The following SLC36A1 variants were observed in gnomAD, a reference collection of about 807,000 sequenced individuals.
The protein encoded by SLC36A1 is proton-coupled amino acid transporter 1.
A neutral mutation model predicts 47.5 loss-of-function variants in SLC36A1; 30 were observed. The observed-to-expected ratio is 0.63, with a 90% CI of 0.47 to 0.86. The LOEUF (loss-of-function observed/expected upper bound fraction) is 0.86. SLC36A1 is among the 40% of genes least tolerant of loss of function. The pLI is 0.00. For synonymous variants in SLC36A1, 255 were observed against 249.7 expected, an observed-to-expected ratio of 1.02 and a Z score of -0.20; for missense variants, 517 against 606.0, an observed-to-expected ratio of 0.85 and a Z score of 1.54.
At chr5:151,531,887 G>A in the SLC36A1 span, 6 of 1,614,180 alleles carry the variant, frequency 3.7e-6, no homozygotes, top group Admixed American at 8.3e-5. The surrounding 1 kb of genome is among the most constrained non-coding windows in gnomAD (Gnocchi z 5.7). Context: ...GGCTTTTCCA[G>A]GCGGATCACC....
At chr5:151,552,228 C>G in the SLC36A1 span, among the ~76,000 whole-genome samples, 3 of 152,110 alleles carry the variant, frequency 2.0e-5, no homozygotes, top group Admixed American at 2.0e-4. Flanking sequence ...TCAAGTGATC[C>G]TCCTACTTCA....
At chr5:151,366,443 G>T in the SLC36A1 span, 2 of 234,042 alleles carry the variant, frequency 8.5e-6, no homozygotes, top group South Asian at 5.7e-5. Context: ...GGCTGGATCA[G>T]CTCATGGAGG....
chr5:151,362,885 G>C, the SLC36A1 span, among the ~76,000 whole-genome samples: 3 of 152,084 alleles, frequency 2.0e-5, no homozygotes, highest in Admixed American at 1.3e-4. Context: ...GTGCTCTTTT[G>C]AATGTTTTAT....
chr5:151,458,772 G>A lies in SLC36A1; in HGVS notation c.-5-16G>A. The A allele has an allele frequency of 6.2e-7, 1 of 1,612,018 alleles. No homozygotes were observed. The highest frequency in any genetic ancestry group is 8.5e-7 in the Non-Finnish European group (1 of 1,178,636). ...TCCAGCTGCAGGAGGTCTTAATGCTGGCCCTGTCCCCCCAGCTGCCATGTC... is the reference window on the plus strand; with the variant it reads ...TCCAGCTGCAGGAGGTCTTAATGCTAGCCCTGTCCCCCCAGCTGCCATGTC... On this transcript the variant is annotated splice_polypyrimidine_tract_variant and intron_variant, in intron 1 of 10. Coordinates refer to ENST00000243389, the MANE Select transcript of SLC36A1 (RefSeq NM_078483.4).
chr5:151,543,675 G>T, the SLC36A1 span: 2 of 1,614,156 alleles, frequency 1.2e-6, no homozygotes, highest in African/African-American at 1.3e-5. Flanking sequence ...CCTCATAAAG[G>T]TGCTGCTGGA....
At chr5:151,346,420 C>T in the SLC36A1 span, among the ~76,000 whole-genome samples, 4 of 152,170 alleles carry the variant, frequency 2.6e-5, no homozygotes, top group African/African-American at 4.8e-5. Flanking sequence ...ACACATCCTC[C>T]GATTTTGTTT....
At chr5:151,517,482 A>G in the SLC36A1 span, 9 of 1,052,054 alleles carry the variant, frequency 8.6e-6, no homozygotes, top group East Asian at 1.8e-4. Context: ...GTGGCCCAAC[A>G]GTCACACCCA....
chr5:151,526,349 A>G, the SLC36A1 span, among the ~76,000 whole-genome samples: 10 of 152,352 alleles, frequency 6.6e-5, no homozygotes, highest in East Asian at 1.3e-3. Flanking sequence ...TGCAAAGCCA[A>G]TTGAACACTT....
the SLC36A1 span, among the ~76,000 whole-genome samples, chr5:151,384,354 C>T: frequency 1.3e-5 from 2 of 152,298 alleles, no homozygotes; most frequent in Admixed American, 1.3e-4. Context: ...ACAGTTCTTA[C>T]ATATTAGGTG....
chr5:151,370,208 A>G, the SLC36A1 span, among the ~76,000 whole-genome samples: 5 of 152,236 alleles, frequency 3.3e-5, no homozygotes, highest in African/African-American at 1.2e-4. Flanking sequence ...TTGGAAGCAG[A>G]TTATATCTGA....
At chr5:151,381,979 G>A in the SLC36A1 span, 2 of 530,466 alleles carry the variant, frequency 3.8e-6, no homozygotes, top group Non-Finnish European at 3.4e-6. Context: ...CCCTTGGGGG[G>A]TTACAGTACT....
At chr5:151,391,109 G>C in the SLC36A1 span, among the ~76,000 whole-genome samples, 2 of 152,064 alleles carry the variant, frequency 1.3e-5, no homozygotes, top group African/African-American at 4.8e-5. Flanking sequence ...AGTTCTCCTT[G>C]AAGAGGTCCT....
At chr5:151,349,564 C>T in the SLC36A1 span, among the ~76,000 whole-genome samples, 1 of 152,198 alleles carries the variant, frequency 6.6e-6, no homozygotes, top group East Asian at 1.9e-4. Context: ...AGATGACTTC[C>T]AAAGGCATGA....
At chr5:151,356,162 A>G in the SLC36A1 span, among the ~76,000 whole-genome samples, 1 of 151,830 alleles carries the variant, frequency 6.6e-6, no homozygotes, top group Admixed American at 6.6e-5. Context: ...AACATGGAGA[A>G]ACCCCATCTC....
downstream of SLC36A1, among the ~76,000 whole-genome samples, chr5:151,496,526 C>T (rs898062010): frequency 1.3e-5 from 2 of 152,200 alleles, no homozygotes; most frequent in African/African-American, 4.8e-5. Context: ...GCAACTTTGC[C>T]AGCCTTTGGT....
At chr5:151,487,941 A>G (rs1468560058) in intron 10 of SLC36A1, 42 bp from the exon 11 acceptor site, 6 of 1,607,714 alleles carry the variant, frequency 3.7e-6, no homozygotes, top group East Asian at 2.2e-5. Context: ...GACCTTTCCC[A>G]GCTCTGGGCA....
chr5:151,392,188 G>A, the SLC36A1 span, among the ~76,000 whole-genome samples: 17 of 152,234 alleles, frequency 1.1e-4, no homozygotes, highest in South Asian at 1.9e-3. Flanking sequence ...GTTTATTTGC[G>A]TAGAGGTGTT....
chr5:151,440,577 T>TA lies in SLC36A1; in HGVS notation c.-6+3411dup, dbSNP rs3086252. On this transcript the variant is annotated intron_variant, in intron 1 of 8. Transcript: ENST00000429484. Reference sequence around the variant, plus strand: ...GAGGGCTTGGGATGGGTAGAGTGGTTAAAAAAAAAAAAAGGAAGTTACATT... The same window carrying TA: ...GAGGGCTTGGGATGGGTAGAGTGGTTAAAAAAAAAAAAAAGGAAGTTACATT... Among the ~76,000 whole-genome samples, 74 of 144,040 alleles carry TA rather than the reference T, an allele frequency of 5.1e-4. 1 individual carries two copies. The East Asian group carries it at 7.7e-3, about 15-fold the overall frequency. 94.5% of individuals were successfully genotyped at this position (144,040 alleles called of 152,430 possible).
At chr5:151,367,351 C>G in the SLC36A1 span, among the ~76,000 whole-genome samples, 3 of 94,492 alleles carry the variant, frequency 3.2e-5, no homozygotes, top group African/African-American at 1.6e-4. Context: ...AGACCTCCCC[C>G]CAGGAATGCA....
Sources: allele counts gnomAD v4.1 joint callset (sites outside exome capture counted in the v4.1 genomes callset), GRCh38; gene constraint gnomAD v4.1.1; non-coding constraint Gnocchi (gnomAD v3.1); transcripts MANE v1.5; gene names NCBI Gene and HGNC (gene_info 2026-07-23, HGNC 2026-07-21).